CMTM4: variants seen among roughly 807,000 people sequenced by gnomAD.
CMTM4 encodes CKLF like MARVEL transmembrane domain containing 4, also known as CKLF-like MARVEL transmembrane domain-containing protein 4.
CMTM4 carries 8 observed loss-of-function variants against 19.0 expected under a neutral mutation model. The observed-to-expected ratio is 0.42, with a 90% CI of 0.25 to 0.76. The LOEUF is 0.76. Among genes scored for constraint, CMTM4 ranks in the 30% least tolerant of loss-of-function variants. CMTM4 has a pLI of 0.27. For synonymous variants in CMTM4, 106 were observed against 121.1 expected (o/e 0.88, Z 0.82); for missense variants, 228 against 290.2 (o/e 0.79, Z 1.56).
chr16:66,635,840 C>T (rs2015982080), intron 2 of CMTM4, among the ~76,000 whole-genome samples: 1 of 152,196 alleles, frequency 6.6e-6, no homozygotes, highest in Non-Finnish European at 1.5e-5. Context: ...CAGCCCTGTG[C>T]TTCCCATCTG....
chr16:66,619,217 G>A lies in CMTM4; in HGVS notation c.*2841C>T. On this transcript the variant is annotated 3_prime_UTR_variant, in exon 4 of 4. Transcript: ENST00000394106. ...CAGTGTGAAAGAAGGATATCAAAGA[G>A]AATCAGAGGGAAAAAATACCAAATC... The A allele has an allele frequency of 1.0e-6, 1 of 985,394 alleles. No homozygotes were observed. The highest frequency in any genetic ancestry group is 1.2e-6 in the Non-Finnish European group (1 of 829,926). The allele number at this position is 985,394 out of a possible 1,614,324, so 61.0% of individuals were successfully genotyped here. A position where few individuals can be genotyped will look rare whatever the true frequency, so the allele number is the denominator to read the frequency against.
At chr16:66,605,879 G>C in the CMTM4 span, among the ~76,000 whole-genome samples, 1 of 152,060 alleles carries the variant, frequency 6.6e-6, no homozygotes, top group Non-Finnish European at 1.5e-5. The surrounding 1 kb of genome is among the most constrained non-coding windows in gnomAD (Gnocchi z 4.6). Flanking sequence ...CCTCTCCCAC[G>C]GTCAGCCCAG....
intron 1 of CMTM4, among the ~76,000 whole-genome samples, chr16:66,655,668 C>G (rs2016386309): frequency 6.6e-6 from 1 of 151,780 alleles, no homozygotes; most frequent in South Asian, 2.1e-4. Flanking sequence ...GGAAGCAGGG[C>G]TCCCTGGAAA....
chr16:66,651,373 A>G (rs1251035214), intron 1 of CMTM4, among the ~76,000 whole-genome samples: 1 of 152,186 alleles, frequency 6.6e-6, no homozygotes, highest in Non-Finnish European at 1.5e-5. Context: ...AAACGGGGGC[A>G]AATAGTTCTG....
chr16:66,680,776 A>C (rs2016899446), intron 1 of CMTM4, among the ~76,000 whole-genome samples: 1 of 124,618 alleles, frequency 8.0e-6, no homozygotes, highest in African/African-American at 2.9e-5. Context: ...TCCGTCTCAA[A>C]AAAAAAAAAA....
intron 1 of CMTM4, among the ~76,000 whole-genome samples, chr16:66,680,796 A>AC (rs2016900424): frequency 6.6e-6 from 1 of 150,458 alleles, no homozygotes; most frequent in Non-Finnish European, 1.5e-5. Flanking sequence ...AAAAAAAAAA[A>AC]AAAACCATAA....
the CMTM4 span, chr16:66,608,491 G>A: frequency 1.9e-6 from 3 of 1,611,234 alleles, no homozygotes; most frequent in African/African-American, 2.7e-5. The surrounding 1 kb of genome is among the most constrained non-coding windows in gnomAD (Gnocchi z 5.1). Context: ...CAGGAGGGAG[G>A]GGTGCCCTGC....
Position 66,621,861 on chromosome 16 carries a change from C to T in CMTM4, c.*197G>A, listed in dbSNP as rs2015641865. The stretch of plus-strand genomic sequence containing the variant: ...ACGCCGGCTGCTCCACAGCCCCAAA[C>T]GCTGAGGAACGTGGGCCTCCCAACT... On this transcript the variant is annotated 3_prime_UTR_variant, in exon 4 of 4. Coordinates refer to ENST00000394106, the MANE Select transcript of CMTM4 (RefSeq NM_181521.3). The T allele has an allele frequency of 7.1e-6, 10 of 1,413,818 alleles. No homozygotes were observed. The highest frequency in any genetic ancestry group is 4.3e-5 in the African/African-American group (3 of 69,462). 87.6% of individuals were successfully genotyped at this position (1,413,818 alleles called of 1,614,324 possible).
Position 66,619,781 on chromosome 16 carries a change from A to G in CMTM4, c.*2277T>C, listed in dbSNP as rs1034763332. On this transcript the variant is annotated 3_prime_UTR_variant, in exon 4 of 4. Coordinates refer to ENST00000394106, the MANE Select transcript of CMTM4 (RefSeq NM_181521.3). Reference sequence around the variant, plus strand: ...ATTAAATACAAGGAGAACATTTACAAAACCACCGAGGAGCCTCACGGCACA... The same window carrying G: ...ATTAAATACAAGGAGAACATTTACAGAACCACCGAGGAGCCTCACGGCACA... 4 of 985,300 alleles carry G rather than the reference A, an allele frequency of 4.1e-6. No homozygotes were observed. Among genetic ancestry groups the G allele is most frequent in the Non-Finnish European group, 2.4e-6 (2 of 829,908 alleles). The allele number at this position is 985,300 out of a possible 1,614,324, so 61.0% of individuals were successfully genotyped here.
rs750750372 is a variant in CMTM4, at chr16:66,691,055, TAC to T, written c.186+5283_186+5284del. 3.5e-4 allele frequency among the ~76,000 whole-genome samples: 54 copies of T among 152,150 alleles called. 1 individual carries two copies. The highest frequency in any genetic ancestry group is 4.3e-4 in the Non-Finnish European group (29 of 68,034). On this transcript the variant is annotated intron_variant, in intron 1 of 3. Coordinates refer to ENST00000394106, the MANE Select transcript of CMTM4 (RefSeq NM_181521.3). The stretch of plus-strand genomic sequence containing the variant: ...TCCCTTGAGCCCAGAAGTTCGAGGT[TAC>T]AGTGAGCTATGATCATGCCACTGCA...
Position 66,636,445 on chromosome 16 carries a change from T to C in CMTM4, c.323A>G (p.Asn108Ser), listed in dbSNP as rs2015992594. ...GATCTGGGGGATCCTCATGTGCAGG[T>C]TGAGACTGAACATAATCAGCAAGAC... ...TGVLLIMFSLNLHMRIPQINW... is the reference protein window; with the variant it reads ...TGVLLIMFSLSLHMRIPQINW... The change falls in exon 2 of 4, where the codon AAC becomes AGC. Residue 108 changes from asparagine to serine, a missense_variant. Transcript: ENST00000394106. 1 of 1,614,062 alleles carries C rather than the reference T, an allele frequency of 6.2e-7. No homozygotes were observed. Among genetic ancestry groups the C allele is most frequent in the Non-Finnish European group, 8.5e-7 (1 of 1,180,008 alleles).
chr16:66,634,367 G>A (rs2015948239), intron 2 of CMTM4, among the ~76,000 whole-genome samples: 1 of 151,718 alleles, frequency 6.6e-6, no homozygotes, highest in Non-Finnish European at 1.5e-5. Flanking sequence ...TTGAACCCGG[G>A]AGGCGGAGGT....
rs1345562354 is a variant in CMTM4 at position 66,620,581 on chromosome 16, C to G, written c.*1477G>C. The stretch of plus-strand genomic sequence containing the variant: ...GGTGACGCTTTCTTGCACAGACCCC[C>G]CGCCGCCCCCTCGGAGTTATTTATT... On this transcript the variant is annotated 3_prime_UTR_variant, in exon 4 of 4. Transcript: ENST00000394106. 1.0e-6 allele frequency: 1 copy of G among 985,472 alleles called. No individual in the cohort carries two copies. Among genetic ancestry groups the G allele is most frequent in the South Asian group, 4.7e-5 (1 of 21,294 alleles). 61.0% of individuals were successfully genotyped at this position (985,472 alleles called of 1,614,324 possible). A position where few individuals can be genotyped will look rare whatever the true frequency, so the allele number is the denominator to read the frequency against.
At chr16:66,629,513 T>C (rs1445442994) in intron 2 of CMTM4, among the ~76,000 whole-genome samples, 1 of 152,176 alleles carries the variant, frequency 6.6e-6, no homozygotes, top group Non-Finnish European at 1.5e-5. Flanking sequence ...AGAATGAGTG[T>C]GCTATAATGA....
rs201088363 is a variant in CMTM4, at chr16:66,633,132, A to T, written c.363+3273T>A. On this transcript the variant is annotated intron_variant, in intron 2 of 3. Transcript: ENST00000394106. ...ATATATATATAAATATATATATATA[A>T]ATATATATATATATCAAAGTCCCAC... 3.1e-4 allele frequency among the ~76,000 whole-genome samples: 40 copies of T among 129,814 alleles called. 1 individual carries two copies. The highest frequency in any genetic ancestry group is 1.0e-3 in the African/African-American group (35 of 34,406). 85.2% of individuals were successfully genotyped at this position (129,814 alleles called of 152,430 possible).
At chr16:66,683,445 C>T (rs1351225329) in intron 1 of CMTM4, among the ~76,000 whole-genome samples, 2 of 150,342 alleles carry the variant, frequency 1.3e-5, no homozygotes, top group African/African-American at 2.4e-5. Flanking sequence ...GCGCCCACCA[C>T]CACGGCCAGC....
chr16:66,693,316 G>A (rs1351834119), intron 1 of CMTM4, among the ~76,000 whole-genome samples: 1 of 152,096 alleles, frequency 6.6e-6, no homozygotes, highest in African/African-American at 2.4e-5. Flanking sequence ...GCTACTCCGA[G>A]GCACCATAAT....
rs186830906 is a variant in CMTM4, at chr16:66,675,374, C to A, written c.186+20966G>T. Reference sequence around the variant, plus strand: ...TGGGATTACCGGTGTGAGCCACGCCCAGCCAACAGCCAGAATTTTAACAAA... The same window carrying A: ...TGGGATTACCGGTGTGAGCCACGCCAAGCCAACAGCCAGAATTTTAACAAA... On this transcript the variant is annotated intron_variant, in intron 1 of 3. Transcript: ENST00000394106. Among the ~76,000 whole-genome samples, 435 of 151,442 alleles carry A rather than the reference C, an allele frequency of 2.9e-3. 3 individuals carry two copies. Among genetic ancestry groups the A allele is most frequent in the African/African-American group, 0.01 (415 of 41,230 alleles).
intron 1 of CMTM4, among the ~76,000 whole-genome samples, chr16:66,687,138 CTTTT>C (rs35098269): frequency 8.4e-5 from 11 of 131,288 alleles, no homozygotes; most frequent in South Asian, 2.4e-4. Flanking sequence ...GTGCAGAATG[CTTTT>C]TTTTTTTTTT....
Sources: gnomAD v4.1 joint callset for allele counts (sites outside exome capture counted in the v4.1 genomes callset) on GRCh38, gnomAD v4.1.1 for gene constraint, Gnocchi (gnomAD v3.1) non-coding constraint, MANE v1.5 for transcripts, NCBI Gene and HGNC (gene_info 2026-07-23, HGNC 2026-07-21) for gene names.